Variants in PRR5L observed in about 807,000 individuals in gnomAD.
PRR5L encodes proline-rich protein 5-like.
PRR5L carries 21 observed loss-of-function variants against 36.4 expected under a neutral mutation model. The observed-to-expected ratio is 0.58, with a 90% CI of 0.41 to 0.83. PRR5L has a LOEUF of 0.83. Among genes scored for constraint, PRR5L ranks in the 40% least tolerant of loss-of-function variants. PRR5L has a pLI of 0.00. For synonymous variants in PRR5L, 188 were observed against 197.0 expected, an observed-to-expected ratio of 0.95 and a Z score of 0.38; for missense variants, 381 against 473.3, an observed-to-expected ratio of 0.80 and a Z score of 1.81.
intron 1 of PRR5L, among the ~76,000 whole-genome samples, chr11:36,387,375 C>T (rs191801637): frequency 1.3e-5 from 2 of 151,998 alleles, no homozygotes; most frequent in Admixed American, 1.3e-4. Flanking sequence ...ATGTAACAAA[C>T]CTGCACGTTG....
intron 6 of PRR5L, 57 bp from the exon 7 acceptor site, chr11:36,446,243 C>G: frequency 6.3e-7 from 1 of 1,589,640 alleles, no homozygotes; most frequent in Non-Finnish European, 8.6e-7. Context: ...CCCACATGGT[C>G]GGTGGCAGAT....
At chr11:36,439,023 A>C (rs949299125) in intron 6 of PRR5L, among the ~76,000 whole-genome samples, 13 of 152,180 alleles carry the variant, frequency 8.5e-5, no homozygotes, top group African/African-American at 3.1e-4. Flanking sequence ...TTTATACTGA[A>C]AAACTCTTCA....
chr11:36,316,368 G>T (rs1856557234), intron 1 of PRR5L, among the ~76,000 whole-genome samples: 1 of 152,178 alleles, frequency 6.6e-6, no homozygotes, highest in South Asian at 2.1e-4. Context: ...CAGGGGAATT[G>T]CAATGGAGAA....
At chr11:36,297,423 T>A (rs1856324079) in intron 1 of PRR5L, 2 of 152,200 alleles carry the variant, frequency 1.3e-5, no homozygotes, top group Admixed American at 1.3e-4. Flanking sequence ...AGTGAAGGAA[T>A]TTGAAAGGGT....
intron 4 of PRR5L, among the ~76,000 whole-genome samples, chr11:36,422,880 A>G (rs1016743150): frequency 3.9e-5 from 6 of 152,126 alleles, no homozygotes; most frequent in African/African-American, 1.4e-4. Flanking sequence ...GAAACACTAT[A>G]TACTAGTAAC....
intron 1 of PRR5L, among the ~76,000 whole-genome samples, chr11:36,340,136 G>C (rs1197392633): frequency 2.6e-5 from 4 of 152,218 alleles, no homozygotes; most frequent in African/African-American, 9.7e-5. Flanking sequence ...GAGCCCCCCT[G>C]CTGGACTGGG....
chr11:36,311,634 T>C (rs1221139389), intron 1 of PRR5L, among the ~76,000 whole-genome samples: 1 of 152,030 alleles, frequency 6.6e-6, no homozygotes, highest in African/African-American at 2.4e-5. Flanking sequence ...TGAGGAGAAA[T>C]GGGGTCTTTG....
At chr11:36,311,633 A>G (rs1856504036) in intron 1 of PRR5L, among the ~76,000 whole-genome samples, 1 of 152,166 alleles carries the variant, frequency 6.6e-6, no homozygotes, top group Non-Finnish European at 1.5e-5. Context: ...CTGAGGAGAA[A>G]TGGGGTCTTT....
At chr11:36,435,000 G>T (rs563077177) in intron 5 of PRR5L, among the ~76,000 whole-genome samples, 32 of 152,192 alleles carry the variant, frequency 2.1e-4, no homozygotes, top group African/African-American at 6.3e-4. Flanking sequence ...GACCTGCAAG[G>T]TTCTCTCTTC....
rs562558127 is a variant in PRR5L at position 36,315,045 on chromosome 11, TA to T, written c.-126+18608del. ...TTCATCTAAGTTGGATTTCTCACAGTAGAAAATGGGCATTGACAACTTTTTA... is the reference window on the plus strand; with the variant it reads ...TTCATCTAAGTTGGATTTCTCACAGTGAAAATGGGCATTGACAACTTTTTA... On this transcript the variant is annotated intron_variant, in intron 1 of 8. Coordinates refer to ENST00000530639, the MANE Select transcript of PRR5L (RefSeq NM_001160167.2). 1.7e-4 allele frequency among the ~76,000 whole-genome samples: 26 copies of T among 152,272 alleles called. 1 individual carries two copies. In the South Asian group the frequency reaches 5.0e-3, roughly 29 times the overall value.
intron 3 of PRR5L, among the ~76,000 whole-genome samples, chr11:36,410,363 C>A (rs978430277): frequency 1.3e-5 from 2 of 152,268 alleles, no homozygotes; most frequent in African/African-American, 4.8e-5. Flanking sequence ...GAGGGACTTT[C>A]TTGGTCCTTA....
intron 1 of PRR5L, among the ~76,000 whole-genome samples, chr11:36,384,793 C>T (rs1271868413): frequency 6.6e-6 from 1 of 151,830 alleles, no homozygotes; most frequent in African/African-American, 2.4e-5. Context: ...CTGCCTCAGC[C>T]TCCTGAGTAG....
intron 6 of PRR5L, among the ~76,000 whole-genome samples, chr11:36,443,734 T>C (rs1190399866): frequency 1.3e-5 from 2 of 152,208 alleles, no homozygotes; most frequent in Non-Finnish European, 2.9e-5. Flanking sequence ...GATGAGTTTT[T>C]CCCACGTCAT....
At chr11:36,457,605 CA>C (rs11297597) in intron 8 of PRR5L, among the ~76,000 whole-genome samples, 107,539 of 134,358 alleles carry the variant, frequency 0.8, 42,184 homozygotes, top group East Asian at 0.94. Flanking sequence ...GACTCCGTCT[CA>C]AAAAAAAAAA....
At chr11:36,311,334 G>A (rs1189051091) in intron 1 of PRR5L, among the ~76,000 whole-genome samples, 1 of 152,184 alleles carries the variant, frequency 6.6e-6, no homozygotes, top group Admixed American at 6.5e-5. Context: ...CTTCAGGCAA[G>A]CATTTCTGGC....
chr11:36,299,648 GTTC>G (rs1256419038), intron 1 of PRR5L, among the ~76,000 whole-genome samples: 3 of 152,134 alleles, frequency 2.0e-5, no homozygotes, highest in Non-Finnish European at 4.4e-5. Context: ...AACCCTAGGA[GTTC>G]TTCTGCATAT....
intron 1 of PRR5L, among the ~76,000 whole-genome samples, chr11:36,387,324 A>G (rs1857476543): frequency 6.6e-6 from 1 of 152,092 alleles, no homozygotes; most frequent in Non-Finnish European, 1.5e-5. Context: ...GTAAACGATG[A>G]GTTAATGGGT....
intron 1 of PRR5L, chr11:36,362,090 C>T (rs1236915692): frequency 1.3e-5 from 2 of 149,514 alleles, no homozygotes; most frequent in Non-Finnish European, 3.0e-5. Context: ...TCTGTCAGCA[C>T]GGAAGCAGCA....
intron 1 of PRR5L, among the ~76,000 whole-genome samples, chr11:36,366,738 G>A (rs184427989): frequency 6.6e-6 from 1 of 152,302 alleles, no homozygotes; most frequent in Non-Finnish European, 1.5e-5. Context: ...CTAAATTAGT[G>A]GTTAGAGGGT....
Sources: gnomAD v4.1 joint callset for allele counts (sites outside exome capture counted in the v4.1 genomes callset) on GRCh38, gnomAD v4.1.1 for gene constraint, MANE v1.5 for transcripts, NCBI Gene and HGNC (gene_info 2026-07-23, HGNC 2026-07-21) for gene names.